KIAA1328: variants seen among roughly 807,000 people sequenced by gnomAD.
KIAA1328 encodes KIAA1328.
Under a neutral mutation model 68.1 loss-of-function variants are expected in KIAA1328, and 52 were observed. The observed-to-expected ratio is 0.76, with a 90% CI of 0.61 to 0.96. The LOEUF (loss-of-function observed/expected upper bound fraction) is 0.96. Among genes scored for constraint, KIAA1328 ranks in the 40% least tolerant of loss-of-function variants. The pLI is 0.00. For missense variants in KIAA1328, 641 were observed against 677.6 expected (o/e 0.95, Z 0.60); for synonymous variants, 232 against 239.4 (o/e 0.97, Z 0.28).
intron 7 of KIAA1328, among the ~76,000 whole-genome samples, chr18:37,139,809 T>C (rs2058729064): frequency 6.6e-6 from 1 of 152,302 alleles, no homozygotes; most frequent in South Asian, 2.1e-4. Context: ...ACATAAAGAT[T>C]AGTAAATAAG....
At chr18:37,018,966 A>T (rs1424920953) in intron 6 of KIAA1328, among the ~76,000 whole-genome samples, 1 of 152,068 alleles carries the variant, frequency 6.6e-6, no homozygotes, top group Non-Finnish European at 1.5e-5. Context: ...CTGGAGAGTT[A>T]GTTCAGTACT....
chr18:37,163,727 A>C (rs2059329817), intron 8 of KIAA1328, among the ~76,000 whole-genome samples: 1 of 152,208 alleles, frequency 6.6e-6, no homozygotes, highest in South Asian at 2.1e-4. Context: ...TGGAGTGTCC[A>C]AAGTACAGAA....
At position 37,184,821 on chromosome 18, in the gene KIAA1328, T is replaced by C. The variant is rs569226634; in HGVS notation, c.1523+11740T>C. ...ATGAAGAAATGAACATTTCTAAAAA[T>C]AATTAAATGATTGATTTCAGAATAA... On this transcript the variant is annotated intron_variant, in intron 9 of 9. Coordinates refer to ENST00000280020, the MANE Select transcript of KIAA1328 (RefSeq NM_020776.3). Among the ~76,000 whole-genome samples, 6 of 152,242 alleles carry C rather than the reference T, an allele frequency of 3.9e-5. No homozygotes were observed. In the South Asian group the frequency reaches 1.2e-3, roughly 32 times the overall value.
intron 5 of KIAA1328, among the ~76,000 whole-genome samples, chr18:36,933,633 A>G (rs1197733036): frequency 6.6e-6 from 1 of 152,226 alleles, no homozygotes. Context: ...GGACCAGCCC[A>G]CAGTTCTGTC....
intron 3 of KIAA1328, among the ~76,000 whole-genome samples, chr18:36,841,116 T>C (rs1355414621): frequency 1.3e-5 from 2 of 151,966 alleles, no homozygotes. Context: ...GGATCAGAAA[T>C]AGCTCAGTTC....
At chr18:36,860,950 C>A (rs1333059381) in intron 4 of KIAA1328, among the ~76,000 whole-genome samples, 1 of 152,050 alleles carries the variant, frequency 6.6e-6, no homozygotes, top group Non-Finnish European at 1.5e-5. Flanking sequence ...CTTCCCTTCC[C>A]CTAGCTTTGT....
intron 5 of KIAA1328, among the ~76,000 whole-genome samples, chr18:36,929,223 C>T (rs1002009090): frequency 1.3e-5 from 2 of 152,018 alleles, no homozygotes; most frequent in African/African-American, 4.8e-5. Context: ...ATGGAATTTC[C>T]ACCCTCCCTG....
At chr18:36,910,044 AGT>A (rs2049375748) in intron 5 of KIAA1328, among the ~76,000 whole-genome samples, 1 of 152,104 alleles carries the variant, frequency 6.6e-6, no homozygotes, top group Non-Finnish European at 1.5e-5. Flanking sequence ...TCGTCAGATG[AGT>A]AGATTGCAGA....
At chr18:36,927,002 A>G (rs1367556414) in intron 5 of KIAA1328, among the ~76,000 whole-genome samples, 3 of 152,168 alleles carry the variant, frequency 2.0e-5, no homozygotes, top group African/African-American at 4.8e-5. Context: ...CTTTTAAACA[A>G]CAAGATCTCT....
At chr18:37,109,767 A>G (rs1244171651) in intron 7 of KIAA1328, among the ~76,000 whole-genome samples, 1 of 152,144 alleles carries the variant, frequency 6.6e-6, no homozygotes, top group Non-Finnish European at 1.5e-5. Context: ...ACATACTTAC[A>G]CAAATCTTTT....
intron 6 of KIAA1328, among the ~76,000 whole-genome samples, chr18:36,992,012 A>G (rs1460419042): frequency 2.6e-5 from 4 of 152,164 alleles, no homozygotes; most frequent in Non-Finnish European, 5.9e-5. Flanking sequence ...AATTTCTCAG[A>G]TTATTAGTGG....
intron 7 of KIAA1328, among the ~76,000 whole-genome samples, chr18:37,128,463 ATC>A (rs1405150948): frequency 1.3e-5 from 2 of 152,194 alleles, no homozygotes; most frequent in Admixed American, 1.3e-4. Flanking sequence ...ACAGAGCAAG[ATC>A]CTGTCTCAAA....
intron 6 of KIAA1328, among the ~76,000 whole-genome samples, chr18:36,980,713 A>C (rs1202670987): frequency 1.3e-5 from 2 of 152,088 alleles, no homozygotes; most frequent in Non-Finnish European, 2.9e-5. Flanking sequence ...CCCATGTGTT[A>C]TGGGAGGTAC....
At chr18:36,865,532 G>C (rs2047720327) in intron 4 of KIAA1328, among the ~76,000 whole-genome samples, 1 of 152,122 alleles carries the variant, frequency 6.6e-6, no homozygotes, top group South Asian at 2.1e-4. Context: ...GGATGACTTC[G>C]AGAGATCTGC....
chr18:36,950,674 C>G (rs933713987), intron 5 of KIAA1328, among the ~76,000 whole-genome samples: 2 of 151,982 alleles, frequency 1.3e-5, no homozygotes, highest in Admixed American at 1.3e-4. Context: ...AACGTTATGC[C>G]TAGAATGATA....
At chr18:36,990,419 A>T (rs907376005) in intron 6 of KIAA1328, among the ~76,000 whole-genome samples, 1 of 152,022 alleles carries the variant, frequency 6.6e-6, no homozygotes, top group South Asian at 2.1e-4. Context: ...TCATGCCTGT[A>T]ATCCCAACAC....
chr18:36,992,263 G>C (rs976331978), intron 6 of KIAA1328, among the ~76,000 whole-genome samples: 2 of 152,064 alleles, frequency 1.3e-5, no homozygotes, highest in East Asian at 3.9e-4. Context: ...TTTAATGGTA[G>C]TTGAATTTAC....
At chr18:36,971,994 A>C (rs11081978) in intron 6 of KIAA1328, among the ~76,000 whole-genome samples, 140,120 of 152,188 alleles carry the variant, frequency 0.92, 65,618 homozygotes, top group East Asian at 1. Flanking sequence ...GCATATGTAC[A>C]GTGAACCTAA....
Position 37,223,760 on chromosome 18 carries a change from C to A in KIAA1328, c.*1533C>A. 4 of 985,350 alleles carry A rather than the reference C, an allele frequency of 4.1e-6. No homozygotes were observed. The highest frequency in any genetic ancestry group is 4.8e-6 in the Non-Finnish European group (4 of 829,910). The allele number at this position is 985,350 out of a possible 1,614,324, so 61.0% of individuals were successfully genotyped here. On this transcript the variant is annotated 3_prime_UTR_variant, in exon 10 of 10. Coordinates refer to ENST00000280020, the MANE Select transcript of KIAA1328 (RefSeq NM_020776.3). ...GAGCAGCCTCCTTATCCAGATAGAT[C>A]CAAAGCTCATGTCTCTTCAGGCTGA...
Sources: gnomAD v4.1 joint callset for allele counts (sites outside exome capture counted in the v4.1 genomes callset) on GRCh38, gnomAD v4.1.1 for gene constraint, MANE v1.5 for transcripts, NCBI Gene and HGNC (gene_info 2026-07-23, HGNC 2026-07-21) for gene names.